GRM7: variants seen among roughly 807,000 people sequenced by gnomAD.
The protein encoded by GRM7 is glutamate metabotropic receptor 7, also known as metabotropic glutamate receptor 7.
Under a neutral mutation model 84.5 loss-of-function variants are expected in GRM7, and 35 were observed. The observed-to-expected ratio is 0.41, with a 90% CI of 0.32 to 0.55. The LOEUF (loss-of-function observed/expected upper bound fraction) is 0.55, where lower values mean the gene tolerates loss of function less well. GRM7 is among the 20% of genes least tolerant of loss of function. The probability of loss-of-function intolerance (pLI) is 0.19; values close to 1 mark genes in which losing one functional copy is unlikely to be tolerated. For missense variants in GRM7, 1,003 were observed against 1,194.6 expected (o/e 0.84, Z 2.36); for synonymous variants, 487 against 455.1 (o/e 1.07, Z -0.89).
intron 4 of GRM7, among the ~76,000 whole-genome samples, 158 bp downstream of exon 4, chr3:7,306,810 G>GT (rs1378815242): frequency 6.6e-6 from 1 of 152,148 alleles, no homozygotes; most frequent in Non-Finnish European, 1.5e-5. Flanking sequence ...CACACACCTG[G>GT]TCTGTTCTTT....
intron 8 of GRM7, among the ~76,000 whole-genome samples, chr3:7,667,417 C>A (rs1462708446): frequency 6.6e-6 from 1 of 152,116 alleles, no homozygotes; most frequent in Non-Finnish European, 1.5e-5. Flanking sequence ...ATGTAGGAGA[C>A]TTCGGTATTT....
At chr3:7,583,899 A>C (rs545135128) in intron 8 of GRM7, among the ~76,000 whole-genome samples, 4 of 152,202 alleles carry the variant, frequency 2.6e-5, no homozygotes, top group Admixed American at 6.6e-5. Context: ...GAGATAAAAC[A>C]GTGTTCTTTT....
intron 1 of GRM7, among the ~76,000 whole-genome samples, chr3:6,874,120 T>C (rs1256805282): frequency 2.0e-5 from 3 of 152,168 alleles, no homozygotes; most frequent in African/African-American, 7.2e-5. Context: ...AATAATAATA[T>C]TAGGATGTAC....
intron 8 of GRM7, among the ~76,000 whole-genome samples, chr3:7,668,574 T>G (rs1699797512): frequency 6.6e-6 from 1 of 152,250 alleles, no homozygotes; most frequent in Non-Finnish European, 1.5e-5. Context: ...AAGTCTTTGC[T>G]GAGAAAGTGA....
intron 7 of GRM7, among the ~76,000 whole-genome samples, chr3:7,505,968 T>C (rs1468920685): frequency 6.6e-6 from 1 of 152,248 alleles, no homozygotes; most frequent in East Asian, 1.9e-4. Flanking sequence ...ACCAGGCTGC[T>C]AGTTTTCCAA....
At chr3:7,550,569 CTCTCTCTCTGTGTGTGTGTG>C (rs762964271) in intron 7 of GRM7, among the ~76,000 whole-genome samples, 41 of 96,806 alleles carry the variant, frequency 4.2e-4, no homozygotes, top group Non-Finnish European at 5.0e-4. Context: ...CTCTCTCTCT[CTCTCTCTCTGTGTGTGTGTG>C]TGTGTGTGTG....
At chr3:6,970,109 T>A (rs1244199684) in intron 1 of GRM7, among the ~76,000 whole-genome samples, 1 of 152,142 alleles carries the variant, frequency 6.6e-6, no homozygotes, top group Admixed American at 6.5e-5. Flanking sequence ...TCTAGGTACA[T>A]CTTCCAAAAA....
rs1447545164 is a variant in GRM7 at position 6,886,613 on chromosome 3, GA to G, written c.519+24707del. On this transcript the variant is annotated intron_variant, in intron 1 of 9. Transcript: ENST00000357716. ...ATTGTTTATGCTTCATATTCCTCATGATTTTTTTTCTGTAAAAAAATACTAA... is the reference window on the plus strand; with the variant it reads ...ATTGTTTATGCTTCATATTCCTCATGTTTTTTTTCTGTAAAAAAATACTAA... 3.3e-5 allele frequency among the ~76,000 whole-genome samples: 5 copies of G among 151,892 alleles called. 1 individual carries two copies. Among genetic ancestry groups the G allele is most frequent in the Middle Eastern group, 6.8e-3 (2 of 294 alleles).
At chr3:7,530,705 CT>C (rs1701004575) in intron 7 of GRM7, among the ~76,000 whole-genome samples, 1 of 151,660 alleles carries the variant, frequency 6.6e-6, no homozygotes, top group Non-Finnish European at 1.5e-5. Context: ...TGATGATGGG[CT>C]TTTTTTCATA....
intron 1 of GRM7, among the ~76,000 whole-genome samples, chr3:6,948,420 C>G (rs929958582): frequency 3.3e-5 from 5 of 152,230 alleles, no homozygotes; most frequent in Non-Finnish European, 7.4e-5. Flanking sequence ...GTCTGAGAGA[C>G]AGTTTGTTAT....
chr3:7,198,902 G>A (rs965522239), intron 2 of GRM7, among the ~76,000 whole-genome samples: 1 of 152,108 alleles, frequency 6.6e-6, no homozygotes, highest in African/African-American at 2.4e-5. Context: ...TTGAACAGAG[G>A]CAATGAAATC....
intron 2 of GRM7, among the ~76,000 whole-genome samples, chr3:7,258,567 G>A (rs2124952995): frequency 6.6e-6 from 1 of 152,282 alleles, no homozygotes; most frequent in Non-Finnish European, 1.5e-5. Flanking sequence ...ATCCTCCAAG[G>A]TAAGCCAGAA....
chr3:6,981,010 C>A (rs1226234875), intron 1 of GRM7, among the ~76,000 whole-genome samples: 1 of 152,036 alleles, frequency 6.6e-6, no homozygotes, highest in Non-Finnish European at 1.5e-5. Context: ...CTTTAGCCTA[C>A]CTTGAGGAAG....
intron 7 of GRM7, among the ~76,000 whole-genome samples, chr3:7,522,299 G>A (rs936082619): frequency 4.1e-5 from 5 of 121,234 alleles, no homozygotes; most frequent in Non-Finnish European, 6.8e-5. Flanking sequence ...GGGGGAGGAA[G>A]ACTACAGTTT....
chr3:6,999,657 A>G (rs1694943208), intron 1 of GRM7, among the ~76,000 whole-genome samples: 2 of 152,206 alleles, frequency 1.3e-5, no homozygotes, highest in South Asian at 2.1e-4. Flanking sequence ...GAAACTTACA[A>G]TCATGGTGGA....
At chr3:7,166,933 C>A (rs977581353) in intron 2 of GRM7, among the ~76,000 whole-genome samples, 2 of 151,984 alleles carry the variant, frequency 1.3e-5, no homozygotes, top group Admixed American at 6.6e-5. Flanking sequence ...TCATGACAAC[C>A]TTTGTATTTT....
At chr3:7,568,013 T>C (rs1002705351) in intron 7 of GRM7, among the ~76,000 whole-genome samples, 2 of 152,122 alleles carry the variant, frequency 1.3e-5, no homozygotes, top group African/African-American at 4.8e-5. Flanking sequence ...TTAGTTTATA[T>C]AGGGAACCAA....
At chr3:7,123,368 C>T (rs545916524) in intron 1 of GRM7, among the ~76,000 whole-genome samples, 1 of 152,168 alleles carries the variant, frequency 6.6e-6, no homozygotes, top group Non-Finnish European at 1.5e-5. Context: ...CCTATAATCC[C>T]AGCACTTTGG....
At chr3:7,292,617 T>G (rs878991234) in intron 2 of GRM7, among the ~76,000 whole-genome samples, 3 of 152,196 alleles carry the variant, frequency 2.0e-5, no homozygotes, top group Non-Finnish European at 2.9e-5. Context: ...TGATGAATAT[T>G]ATCTCTGTGA....
Sources: gnomAD v4.1 joint callset for allele counts (sites outside exome capture counted in the v4.1 genomes callset) on GRCh38, gnomAD v4.1.1 for gene constraint, MANE v1.5 for transcripts, NCBI Gene and HGNC (gene_info 2026-07-23, HGNC 2026-07-21) for gene names.